ADD2: variants seen among roughly 807,000 people sequenced by gnomAD.
The protein encoded by ADD2 is adducin 2, also known as beta-adducin.
Under a neutral mutation model 83.0 loss-of-function variants are expected in ADD2, and 23 were observed. That is an observed-to-expected ratio of 0.28 (90% CI 0.20 to 0.39). The LOEUF (loss-of-function observed/expected upper bound fraction) is 0.39, where lower values mean the gene tolerates loss of function less well. Ranked by LOEUF, ADD2 falls within the 10% of genes least tolerant of loss-of-function variation. The pLI is 1.00. For missense variants in ADD2, 758 were observed against 944.9 expected, an observed-to-expected ratio of 0.80 and a Z score of 2.59; for synonymous variants, 375 against 375.4, an observed-to-expected ratio of 1.00 and a Z score of 0.01.
At chr2:70,687,605 CAAA>C (rs1670804786) in intron 9 of ADD2, among the ~76,000 whole-genome samples, 1 of 149,640 alleles carries the variant, frequency 6.7e-6, no homozygotes, top group African/African-American at 2.5e-5. Flanking sequence ...AACAAACAAA[CAAA>C]CAAACAAACA....
chr2:70,760,082 G>C (rs1211171850), intron 1 of ADD2, among the ~76,000 whole-genome samples: 1 of 152,194 alleles, frequency 6.6e-6, no homozygotes, highest in Non-Finnish European at 1.5e-5. Flanking sequence ...AGTCCTTAAA[G>C]AATCTAGGCC....
chr2:70,666,610 C>T (rs1675811763), intron 15 of ADD2, among the ~76,000 whole-genome samples: 1 of 152,234 alleles, frequency 6.6e-6, no homozygotes, highest in South Asian at 2.1e-4. Flanking sequence ...GAGGGGCTCC[C>T]ACTTTCTGTC....
At chr2:70,715,851 G>A (rs935887321) in intron 1 of ADD2, among the ~76,000 whole-genome samples, 1 of 151,106 alleles carries the variant, frequency 6.6e-6, no homozygotes, top group Non-Finnish European at 1.5e-5. Context: ...ATTGGTCACT[G>A]AGGTCTCTGG....
chr2:70,706,622 A>T lies in ADD2; in HGVS notation c.-34-180T>A, dbSNP rs11897564. Among the ~76,000 whole-genome samples the T allele has an allele frequency of 0.021, 3,203 of 152,264 alleles. 93 individuals carry two copies. Among genetic ancestry groups the T allele is most frequent in the African/African-American group, 0.07 (2,921 of 41,524 alleles). On this transcript the variant is annotated intron_variant, in intron 2 of 15. Transcript: ENST00000264436. The surrounding 1 kb of genome is among the most constrained non-coding windows in gnomAD (Gnocchi z 5.0). ...CAGCAGCGGCCCCATATACCCATCT[A>T]TAGGGGCGCTGCTGTGCCATGAGAC...
intron 1 of ADD2, 148 bp from the exon 2 acceptor site, chr2:70,713,332 GC>G: frequency 4.2e-6 from 1 of 236,062 alleles, no homozygotes; most frequent in Non-Finnish European, 6.9e-6. Context: ...AGGTAAAGAG[GC>G]CAGGCACAGT....
rs181512905 is a variant in ADD2 at position 70,692,457 on chromosome 2, T to C, written c.651A>G (p.Ala217=). The change falls in exon 7 of 16, where the codon GCA becomes GCG. Residue 217 remains alanine, a synonymous_variant. Coordinates refer to ENST00000264436, the MANE Select transcript of ADD2 (RefSeq NM_001617.4). ...TGATGCAGCGCACGTCGGGCCTCGC[T>C]GCATAGATGGCCGAGTGCAGACAGA... ...TGFCLHSAIY[A]ARPDVRCIIH... 47 of 1,612,624 alleles carry C rather than the reference T, an allele frequency of 2.9e-5. No individual in the cohort carries two copies. The East Asian group carries it at 1.0e-3, about 35-fold the overall frequency.
At chr2:70,728,751 C>G (rs1365961178) in intron 1 of ADD2, among the ~76,000 whole-genome samples, 1 of 152,182 alleles carries the variant, frequency 6.6e-6, no homozygotes, top group South Asian at 2.1e-4. Flanking sequence ...TGTCCCTTTC[C>G]ACCCACAAGC....
rs1675572799 is a variant in ADD2, at chr2:70,662,418, G to A, written c.*1007C>T. ...CAAGTCAAGGTGCCAAGAGTAAGAT[G>A]CCAGTTTCGGTCTGTAAGCAAGTGT... On this transcript the variant is annotated 3_prime_UTR_variant, in exon 16 of 16. Coordinates refer to ENST00000264436, the MANE Select transcript of ADD2 (RefSeq NM_001617.4). The A allele has an allele frequency of 6.6e-6, 1 of 152,256 alleles. No individual in the cohort carries two copies. The highest frequency in any genetic ancestry group is 2.4e-5 in the African/African-American group (1 of 41,436). 9.4% of individuals were successfully genotyped at this position (152,256 alleles called of 1,614,324 possible).
At chr2:70,765,259 G>A (rs1553385794) in intron 1 of ADD2, among the ~76,000 whole-genome samples, 1 of 152,140 alleles carries the variant, frequency 6.6e-6, no homozygotes. Context: ...AGGCTGAGGC[G>A]TGAGAATCAC....
At position 70,670,021 on chromosome 2, in the gene ADD2, C is replaced by A. The variant is rs143713078; in HGVS notation, c.1870+2857G>T. On this transcript the variant is annotated intron_variant, in intron 15 of 15. Transcript: ENST00000264436. ...GCTCCCTACTGACTGGAGCCCTCCG[C>A]AGATATCACATCAATTAGAAATCAT... 3.4e-3 allele frequency among the ~76,000 whole-genome samples: 515 copies of A among 152,300 alleles called. 4 individuals are homozygous for A. Among genetic ancestry groups the A allele is most frequent in the South Asian group, 0.017 (83 of 4,820 alleles).
intron 6 of ADD2, 48 bp from the exon 7 acceptor site, chr2:70,692,600 C>G: frequency 6.6e-7 from 1 of 1,525,282 alleles, no homozygotes; most frequent in South Asian, 1.3e-5. Context: ...TGGCCGAGGC[C>G]CCGCACTCCT....
chr2:70,673,405 A>G, intron 14 of ADD2: 3 of 1,201,218 alleles, frequency 2.5e-6, no homozygotes, highest in Non-Finnish European at 3.7e-6. Context: ...ACAACCACCA[A>G]CTCCCCTTAT....
At chr2:70,704,263 T>TGGCCCCCCCCCCCACCCC in intron 4 of ADD2, 58 bp downstream of exon 4, 2 of 913,238 alleles carry the variant, frequency 2.2e-6, no homozygotes, top group Non-Finnish European at 3.4e-6. Context: ...CTCCCTCTCT[T>TGGCCCCCCCCCCCACCCC]CCCCACCCCA....
chr2:70,747,653 C>T (rs1674290865), intron 1 of ADD2, among the ~76,000 whole-genome samples: 2 of 152,240 alleles, frequency 1.3e-5, no homozygotes, highest in Non-Finnish European at 2.9e-5. Context: ...CATCATGCCA[C>T]AGCATAGTCA....
In ADD2 at chr2:70,762,118, A is replaced by G. The variant is rs115103602; in HGVS notation, c.-154+5768T>C. On this transcript the variant is annotated intron_variant, in intron 1 of 15. Coordinates refer to ENST00000264436, the MANE Select transcript of ADD2 (RefSeq NM_001617.4). Reference sequence around the variant, plus strand: ...TAGCTTGGAATTTTTTTAATGTAAAATAAAATTTTAGAAGATCTGTGACTG... The same window carrying G: ...TAGCTTGGAATTTTTTTAATGTAAAGTAAAATTTTAGAAGATCTGTGACTG... 5.7e-3 allele frequency among the ~76,000 whole-genome samples: 863 copies of G among 152,002 alleles called. 24 individuals are homozygous for G. Among genetic ancestry groups the G allele is most frequent in the African/African-American group, 0.02 (808 of 41,270 alleles).
In ADD2 at chr2:70,695,763, G is replaced by A; in HGVS notation, c.513C>T (p.Ser171=). The change falls in exon 6 of 16, where the codon AGC becomes AGT. Residue 171 remains serine (S), a synonymous_variant. Transcript: ENST00000264436. ...VSKEQDHFLI[S]PKGVSCSEVT... is the part of the protein sequence containing the mutation. ...CTTCACTGCAAGAAACTCCCTTAGG[G>A]CTGATCAGGAAGTGGTCCTGCTCCT... 1 of 1,614,152 alleles carries A rather than the reference G, an allele frequency of 6.2e-7. No individual in the cohort carries two copies. Among genetic ancestry groups the A allele is most frequent in the Non-Finnish European group, 8.5e-7 (1 of 1,180,028 alleles).
intron 4 of ADD2, 56 bp downstream of exon 4, chr2:70,704,265 C>CCCCCCCCCCCCCCCCCCCCA: frequency 4.5e-6 from 2 of 442,438 alleles, no homozygotes; most frequent in Non-Finnish European, 4.5e-6. Context: ...CCCTCTCTTC[C>CCCCCCCCCCCCCCCCCCCCA]CCACCCCACC....
At chr2:70,699,985 A>G (rs1449532143) in intron 4 of ADD2, among the ~76,000 whole-genome samples, 1 of 152,230 alleles carries the variant, frequency 6.6e-6, no homozygotes, top group Non-Finnish European at 1.5e-5. Flanking sequence ...TAAAGGTGCA[A>G]TCAATAATGA....
chr2:70,673,715 G>A (rs1426566211), intron 14 of ADD2, among the ~76,000 whole-genome samples: 1 of 152,168 alleles, frequency 6.6e-6, no homozygotes, highest in Non-Finnish European at 1.5e-5. Context: ...TCCTGCCACA[G>A]CCTCCTGAGT....
Sources: gnomAD v4.1 joint callset for allele counts (sites outside exome capture counted in the v4.1 genomes callset) on GRCh38, gnomAD v4.1.1 for gene constraint, Gnocchi (gnomAD v3.1) non-coding constraint, MANE v1.5 for transcripts, NCBI Gene and HGNC (gene_info 2026-07-23, HGNC 2026-07-21) for gene names.